Variants in DCDC2 observed in about 807,000 individuals in gnomAD.
DCDC2 encodes doublecortin domain-containing protein 2.
Under a neutral mutation model 50.2 loss-of-function variants are expected in DCDC2, and 40 were observed. That is an observed-to-expected ratio of 0.80 (90% CI 0.62 to 1.04). DCDC2 has a LOEUF of 1.04. Ranked by LOEUF, DCDC2 falls within the 50% of genes least tolerant of loss-of-function variation. The pLI, the probability that DCDC2 is intolerant of heterozygous loss-of-function variation, is 0.00. For missense variants in DCDC2, 570 were observed against 581.9 expected, an observed-to-expected ratio of 0.98 and a Z score of 0.21; for synonymous variants, 234 against 210.6, an observed-to-expected ratio of 1.11 and a Z score of -0.96.
chr6:24,289,284 A>C (rs1581633754), intron 5 of DCDC2, among the ~76,000 whole-genome samples: 1 of 152,216 alleles, frequency 6.6e-6, no homozygotes, highest in African/African-American at 2.4e-5. Context: ...CTTCGTTTCT[A>C]TGATGTCTTC....
intron 7 of DCDC2, among the ~76,000 whole-genome samples, chr6:24,275,522 G>A (rs1353963022): frequency 6.6e-6 from 1 of 151,998 alleles, no homozygotes; most frequent in Non-Finnish European, 1.5e-5. Flanking sequence ...TAGATCAGTG[G>A]TACAAGCCAG....
At chr6:24,311,069 T>C (rs1759562811) in intron 2 of DCDC2, among the ~76,000 whole-genome samples, 1 of 152,192 alleles carries the variant, frequency 6.6e-6, no homozygotes, top group Non-Finnish European at 1.5e-5. Flanking sequence ...GACCCAAACA[T>C]GTGATGTCTC....
At chr6:24,295,581 T>C (rs1411027716) in intron 4 of DCDC2, among the ~76,000 whole-genome samples, 2 of 152,142 alleles carry the variant, frequency 1.3e-5, no homozygotes, top group East Asian at 1.9e-4. Flanking sequence ...TCTCACAGTC[T>C]CGGCCCAAAA....
chr6:24,380,068 A>G, the DCDC2 span, among the ~76,000 whole-genome samples: 6 of 152,016 alleles, frequency 3.9e-5, no homozygotes, highest in Non-Finnish European at 7.4e-5. Flanking sequence ...GAGGGATAGC[A>G]TTAGGAGAAA....
At chr6:24,250,495 T>C (rs539586285) in intron 7 of DCDC2, among the ~76,000 whole-genome samples, 2 of 152,352 alleles carry the variant, frequency 1.3e-5, no homozygotes, top group Non-Finnish European at 1.5e-5. Context: ...ATGAAAAATA[T>C]GTTCTGAACA....
chr6:24,252,571 G>A (rs1035780737), intron 7 of DCDC2, among the ~76,000 whole-genome samples: 2 of 152,182 alleles, frequency 1.3e-5, no homozygotes, highest in African/African-American at 4.8e-5. Context: ...GATCAAAAGA[G>A]GAAGCTCTGG....
At chr6:24,311,067 C>T (rs1181491386) in intron 2 of DCDC2, among the ~76,000 whole-genome samples, 1 of 152,188 alleles carries the variant, frequency 6.6e-6, no homozygotes, top group African/African-American at 2.4e-5. Context: ...CAGACCCAAA[C>T]ATGTGATGTC....
At chr6:24,238,726 C>T (rs1379425887) in intron 7 of DCDC2, among the ~76,000 whole-genome samples, 1 of 152,204 alleles carries the variant, frequency 6.6e-6, no homozygotes, top group African/African-American at 2.4e-5. Flanking sequence ...GCATCAATAT[C>T]TGTCTTCAAA....
chr6:24,277,944 T>C, intron 7 of DCDC2, 105 bp downstream of exon 7: 1 of 950,628 alleles, frequency 1.1e-6, no homozygotes, highest in Non-Finnish European at 1.5e-6. Context: ...TTGAAAACTC[T>C]CATATATGAA....
intron 4 of DCDC2, among the ~76,000 whole-genome samples, chr6:24,296,958 C>T (rs778031417): frequency 6.6e-6 from 1 of 152,184 alleles, no homozygotes; most frequent in East Asian, 1.9e-4. Context: ...AATCCCATTA[C>T]TGGGTATACA....
At chr6:24,374,192 G>A in the DCDC2 span, among the ~76,000 whole-genome samples, 2 of 150,550 alleles carry the variant, frequency 1.3e-5, no homozygotes, top group African/African-American at 2.4e-5. Context: ...AGGAGAGGAA[G>A]AAGGGGAGAA....
upstream of DCDC2, among the ~76,000 whole-genome samples, chr6:24,362,446 TTA>T (rs1224336721): frequency 3.0e-4 from 39 of 127,880 alleles, no homozygotes; most frequent in African/African-American, 1.2e-3. Flanking sequence ...ATTTATACAA[TTA>T]TTTTTTATTT....
chr6:24,237,602 G>A (rs1177811153), intron 7 of DCDC2, among the ~76,000 whole-genome samples: 4 of 152,108 alleles, frequency 2.6e-5, no homozygotes, highest in East Asian at 1.9e-4. Flanking sequence ...TCCTTCTATC[G>A]AAATGACATA....
chr6:24,185,170 A>C (rs1761163414), intron 8 of DCDC2, among the ~76,000 whole-genome samples: 1 of 152,154 alleles, frequency 6.6e-6, no homozygotes, highest in African/African-American at 2.4e-5. Flanking sequence ...TCTCCTTTTA[A>C]TGCAAACGGC....
At chr6:24,218,939 C>T (rs1166476128) in intron 7 of DCDC2, among the ~76,000 whole-genome samples, 1 of 152,160 alleles carries the variant, frequency 6.6e-6, no homozygotes, top group East Asian at 1.9e-4. Flanking sequence ...CAGATGGTAT[C>T]TTCCAGATAT....
intron 8 of DCDC2, among the ~76,000 whole-genome samples, chr6:24,202,497 C>T (rs139753837): frequency 0.027 from 4,131 of 152,178 alleles, 72 homozygotes; most frequent in South Asian, 0.046. Context: ...ATAGTAAGAG[C>T]TATTTATGAC....
chr6:24,358,898 T>A (rs1236996605), upstream of DCDC2, among the ~76,000 whole-genome samples: 1 of 36,534 alleles, frequency 2.7e-5, no homozygotes, highest in East Asian at 1.0e-3. Context: ...TTTATATATA[T>A]AATATATTAT....
At chr6:24,356,586 C>A (rs530520231) in intron 1 of DCDC2, among the ~76,000 whole-genome samples, 21 of 152,236 alleles carry the variant, frequency 1.4e-4, no homozygotes, top group African/African-American at 2.6e-4. Flanking sequence ...TAAAATTCTA[C>A]CTGTCCTATA....
intron 6 of DCDC2, among the ~76,000 whole-genome samples, chr6:24,282,698 G>T (rs950023939): frequency 6.7e-6 from 1 of 148,306 alleles, no homozygotes; most frequent in African/African-American, 2.5e-5. Flanking sequence ...AAATAATTTC[G>T]TGAGAGGTTT....
Sources: allele counts gnomAD v4.1 joint callset (sites outside exome capture counted in the v4.1 genomes callset), GRCh38; gene constraint gnomAD v4.1.1; transcripts MANE v1.5; gene names NCBI Gene and HGNC (gene_info 2026-07-23, HGNC 2026-07-21).